Variants in SUGCT observed in about 807,000 individuals in gnomAD.
The protein encoded by SUGCT is succinyl-CoA:glutarate CoA-transferase.
SUGCT carries 41 observed loss-of-function variants against 55.0 expected under a neutral mutation model. That is an observed-to-expected ratio of 0.74 (90% confidence interval 0.58 to 0.97). The LOEUF is 0.97. Among genes scored for constraint, SUGCT ranks in the 50% least tolerant of loss-of-function variants. The pLI, the probability that SUGCT is intolerant of heterozygous loss-of-function variation, is 0.00. For synonymous variants in SUGCT, 187 were observed against 200.4 expected, an observed-to-expected ratio of 0.93 and a Z score of 0.56; for missense variants, 568 against 547.8, an observed-to-expected ratio of 1.04 and a Z score of -0.37.
chr7:40,184,748 T>C (rs974170897), intron 3 of SUGCT, among the ~76,000 whole-genome samples: 1 of 152,202 alleles, frequency 6.6e-6, no homozygotes, highest in African/African-American at 2.4e-5. Context: ...GGTATAGTGC[T>C]GAATAGTGTG....
At chr7:41,003,376 G>A in the SUGCT span, among the ~76,000 whole-genome samples, 61 of 152,086 alleles carry the variant, frequency 4.0e-4, no homozygotes, top group African/African-American at 1.4e-3. Flanking sequence ...GAGAGGGATA[G>A]GGTTGCATTT....
intron 7 of SUGCT, among the ~76,000 whole-genome samples, chr7:40,260,289 T>C (rs1316826860): frequency 6.6e-6 from 1 of 152,244 alleles, no homozygotes. Context: ...AGTGGCTGAA[T>C]TGAGAGAGAA....
intron 9 of SUGCT, among the ~76,000 whole-genome samples, chr7:40,429,800 C>G (rs1328439045): frequency 6.6e-6 from 1 of 152,166 alleles, no homozygotes; most frequent in Non-Finnish European, 1.5e-5. Flanking sequence ...TTGCATCATT[C>G]AATCTAATCA....
chr7:40,316,350 A>G (rs1458985549), intron 8 of SUGCT, among the ~76,000 whole-genome samples: 1 of 152,132 alleles, frequency 6.6e-6, no homozygotes, highest in Non-Finnish European at 1.5e-5. Context: ...CTACTCAGTG[A>G]TGACACAGGC....
Position 40,150,049 on chromosome 7 carries a change from C to T in SUGCT, c.100+14929C>T, listed in dbSNP as rs142455905. Reference sequence around the variant, plus strand: ...CGGAGGTTGCAGTGAGCCAAGATCACGCCACTGCACTCCAACCTGGGAACA... The same window carrying T: ...CGGAGGTTGCAGTGAGCCAAGATCATGCCACTGCACTCCAACCTGGGAACA... On this transcript the variant is annotated intron_variant, in intron 1 of 13. Coordinates refer to ENST00000335693, the MANE Select transcript of SUGCT (RefSeq NM_001193313.2). Among the ~76,000 whole-genome samples, 464 of 134,334 alleles carry T rather than the reference C, an allele frequency of 3.5e-3. 3 individuals are homozygous for T. The East Asian group carries it at 0.054, about 16-fold the overall frequency. 88.1% of individuals were successfully genotyped at this position (134,334 alleles called of 152,430 possible). A position where few individuals can be genotyped will look rare whatever the true frequency, so the allele number is the denominator to read the frequency against.
intron 12 of SUGCT, among the ~76,000 whole-genome samples, chr7:40,624,807 ACACACG>A (rs72211777): frequency 0.12 from 16,069 of 132,482 alleles, 1,015 homozygotes; most frequent in African/African-American, 0.19. Context: ...ACACACACAC[ACACACG>A]CACACCACAA....
intron 13 of SUGCT, among the ~76,000 whole-genome samples, chr7:40,811,708 C>T (rs1791425818): frequency 6.6e-6 from 1 of 151,880 alleles, no homozygotes; most frequent in African/African-American, 2.4e-5. Context: ...TCATACCGTC[C>T]TTAAAGAGAG....
At chr7:40,908,062 G>C in the SUGCT span, among the ~76,000 whole-genome samples, 1 of 151,830 alleles carries the variant, frequency 6.6e-6, no homozygotes, top group Non-Finnish European at 1.5e-5. Context: ...AATTGGAAAG[G>C]CATCACCAGG....
intron 12 of SUGCT, among the ~76,000 whole-genome samples, chr7:40,659,701 A>G (rs1801209344): frequency 6.6e-6 from 1 of 152,222 alleles, no homozygotes; most frequent in Non-Finnish European, 1.5e-5. Flanking sequence ...ACAAAACAGC[A>G]GGAAAAAGAA....
At chr7:40,873,285 GA>G in the SUGCT span, among the ~76,000 whole-genome samples, 3 of 152,242 alleles carry the variant, frequency 2.0e-5, no homozygotes, top group East Asian at 5.8e-4. Context: ...GAATTGAATG[GA>G]AAAAAATATT....
chr7:40,863,150 C>T (rs1794524773), downstream of SUGCT, among the ~76,000 whole-genome samples: 1 of 152,142 alleles, frequency 6.6e-6, no homozygotes, highest in African/African-American at 2.4e-5. Context: ...GCAGGAGAAT[C>T]ACTTGAACCT....
chr7:40,848,528 G>A (rs1309873476), intron 13 of SUGCT, among the ~76,000 whole-genome samples: 2 of 152,138 alleles, frequency 1.3e-5, no homozygotes, highest in African/African-American at 4.8e-5. Context: ...AAATTTGGTG[G>A]ATAACACTGA....
chr7:40,269,624 AC>A (rs1300563071), intron 7 of SUGCT, among the ~76,000 whole-genome samples: 1 of 152,154 alleles, frequency 6.6e-6, no homozygotes, highest in Non-Finnish European at 1.5e-5. Flanking sequence ...CTCCTGACCT[AC>A]CCATTTTTAA....
chr7:40,454,305 G>A (rs763911576), intron 10 of SUGCT, among the ~76,000 whole-genome samples: 11 of 152,128 alleles, frequency 7.2e-5, no homozygotes, highest in Non-Finnish European at 1.5e-4. Flanking sequence ...TTAAATGCCC[G>A]TAGATTTAGT....
chr7:40,960,002 A>T, the SUGCT span, among the ~76,000 whole-genome samples: 1 of 151,696 alleles, frequency 6.6e-6, no homozygotes, highest in Non-Finnish European at 1.5e-5. Flanking sequence ...TATGGGCTGC[A>T]CCCACTGTCT....
chr7:40,445,342 A>C (rs968865546), intron 9 of SUGCT, among the ~76,000 whole-genome samples: 1 of 152,188 alleles, frequency 6.6e-6, no homozygotes, highest in East Asian at 1.9e-4. Context: ...CAGAAATACA[A>C]ACTACCATCA....
intron 12 of SUGCT, among the ~76,000 whole-genome samples, chr7:40,582,659 A>T (rs1797165719): frequency 6.6e-6 from 1 of 152,086 alleles, no homozygotes; most frequent in Admixed American, 6.6e-5. Context: ...AAACATCCTC[A>T]TCATTAGGTT....
the SUGCT span, among the ~76,000 whole-genome samples, chr7:41,005,991 A>G: frequency 6.6e-6 from 1 of 152,182 alleles, no homozygotes; most frequent in African/African-American, 2.4e-5. Flanking sequence ...TGCAGAATAT[A>G]CTGTTTTGTG....
intron 9 of SUGCT, among the ~76,000 whole-genome samples, chr7:40,363,815 G>C (rs1222483658): frequency 6.6e-6 from 1 of 152,140 alleles, no homozygotes; most frequent in African/African-American, 2.4e-5. Flanking sequence ...GAGTTCTGTA[G>C]ATGTCTATTA....
Sources: gnomAD v4.1 joint callset for allele counts (sites outside exome capture counted in the v4.1 genomes callset) on GRCh38, gnomAD v4.1.1 for gene constraint, MANE v1.5 for transcripts, NCBI Gene and HGNC (gene_info 2026-07-23, HGNC 2026-07-21) for gene names.